The following NPTXR variants were observed in gnomAD, a reference collection of about 807,000 sequenced individuals.
NPTXR encodes the protein neuronal pentraxin receptor.
In NPTXR, 12 loss-of-function variants were observed where a neutral mutation model predicts 32.2. The observed-to-expected ratio is 0.37, with a 90% CI of 0.24 to 0.60. The LOEUF is 0.60. Ranked by LOEUF, NPTXR falls within the 20% of genes least tolerant of loss-of-function variation. The pLI is 0.66. For synonymous variants in NPTXR, 323 were observed against 315.8 expected (o/e 1.02, Z -0.24); for missense variants, 612 against 682.9 (o/e 0.90, Z 1.16).
At position 38,843,203 on chromosome 22, in the gene NPTXR, G is replaced by A. The variant is rs1259978991; in HGVS notation, c.624+32C>T. On this transcript the variant is annotated intron_variant, in intron 1 of 4. Transcript: ENST00000333039. The surrounding 1 kb of genome is among the most constrained non-coding windows in gnomAD (Gnocchi z 5.3). The stretch of plus-strand genomic sequence containing the variant: ...GGCCGGGCGGCCCCTCACACCACCC[G>A]GGCGGCTCCCCCGACGGCGCGCGGC... The A allele has an allele frequency of 5.4e-6, 7 of 1,294,560 alleles. No individual in the cohort carries two copies. The highest frequency in any genetic ancestry group is 8.5e-5 in the Admixed American group (2 of 23,604). The allele number at this position is 1,294,560 out of a possible 1,614,324, so 80.2% of individuals were successfully genotyped here.
chr22:38,824,228 G>C (rs1367497522), intron 3 of NPTXR, among the ~76,000 whole-genome samples: 1 of 150,550 alleles, frequency 6.6e-6, no homozygotes, highest in African/African-American at 2.5e-5. Flanking sequence ...CCTGACCTCA[G>C]ATGATCCACC....
Position 38,819,795 on chromosome 22 carries a change from C to A in NPTXR, c.*2814G>T, listed in dbSNP as rs370037070. ...CTGGGCCATGTCTGACTCCTCTTTC[C>A]CTGTCTGCTTGGATGTGCTCAGGGG... is the stretch of plus-strand genomic sequence containing the variant. On this transcript the variant is annotated 3_prime_UTR_variant, in exon 5 of 5. Transcript: ENST00000333039. The A allele has an allele frequency of 3.3e-5, 5 of 152,750 alleles. No homozygotes were observed. In the South Asian group the frequency reaches 8.3e-4, roughly 25 times the overall value. 9.5% of individuals were successfully genotyped at this position (152,750 alleles called of 1,614,324 possible).
chr22:38,828,223 T>G, intron 2 of NPTXR, 64 bp downstream of exon 2: 1 of 1,381,504 alleles, frequency 7.2e-7, no homozygotes, highest in Non-Finnish European at 1.0e-6. Context: ...CATGGATATA[T>G]TTTTTGAATG....
rs770206274 is a variant in NPTXR, at chr22:38,843,476, C to T, written c.383G>A (p.Ser128Asn). 81 of 1,332,654 alleles carry T rather than the reference C, an allele frequency of 6.1e-5. No individual in the cohort carries two copies. In the Middle Eastern group the frequency reaches 9.8e-4, roughly 16 times the overall value. The allele number at this position is 1,332,654 out of a possible 1,614,324, so 82.6% of individuals were successfully genotyped here. The change falls in exon 1 of 5, where the codon AGC (serine) becomes AAC (asparagine). Residue 128 changes from serine (S) to asparagine (N), a missense_variant. Physicochemically the swap from Ser to Asn is conservative, Grantham distance 46. Transcript: ENST00000333039. This position sits in a 1 kb window ranked among gnomAD's most constrained non-coding sequence, Gnocchi z 5.3. ...CGTCTGGCGCAGCTGCTCGGCCGTGCTCTGCAGCAGCAGCAGCTCTTCGCG... is the reference window on the plus strand; with the variant it reads ...CGTCTGGCGCAGCTGCTCGGCCGTGTTCTGCAGCAGCAGCAGCTCTTCGCG...
chr22:38,830,580 G>A (rs947322194), intron 1 of NPTXR, among the ~76,000 whole-genome samples: 8 of 152,248 alleles, frequency 5.3e-5, no homozygotes, highest in East Asian at 1.9e-4. Flanking sequence ...TGCATCACTC[G>A]CCACGCAGCC....
intron 1 of NPTXR, among the ~76,000 whole-genome samples, chr22:38,836,121 A>C (rs1176971069): frequency 6.6e-6 from 1 of 152,152 alleles, no homozygotes; most frequent in African/African-American, 2.4e-5. Context: ...CCGAAACGGG[A>C]ATGTTTTTAA....
intron 1 of NPTXR, among the ~76,000 whole-genome samples, chr22:38,831,320 T>C (rs1355044658): frequency 6.6e-6 from 1 of 152,078 alleles, no homozygotes; most frequent in Non-Finnish European, 1.5e-5. Context: ...GGCAGGAGGA[T>C]TGCTTAAGCC....
chr22:38,843,208 G>T lies in NPTXR; in HGVS notation c.624+27C>A. On this transcript the variant is annotated intron_variant, in intron 1 of 4. Coordinates refer to ENST00000333039, the MANE Select transcript of NPTXR (RefSeq NM_014293.4). This position sits in a 1 kb window ranked among gnomAD's most constrained non-coding sequence, Gnocchi z 5.3. ...GGCGGCCCCTCACACCACCCGGGCGGCTCCCCCGACGGCGCGCGGCGCTCA... is the reference window on the plus strand; with the variant it reads ...GGCGGCCCCTCACACCACCCGGGCGTCTCCCCCGACGGCGCGCGGCGCTCA... 2 of 1,298,156 alleles carry T rather than the reference G, an allele frequency of 1.5e-6. No individual in the cohort carries two copies. Among genetic ancestry groups the T allele is most frequent in the Non-Finnish European group, 1.9e-6 (2 of 1,028,304 alleles). 80.4% of individuals were successfully genotyped at this position (1,298,156 alleles called of 1,614,324 possible).
At position 38,844,008 on chromosome 22, in the gene NPTXR, G is replaced by A. The variant is rs968909631; in HGVS notation, c.-150C>T. 70 of 249,186 alleles carry A rather than the reference G, an allele frequency of 2.8e-4. No homozygotes were observed. The highest frequency in any genetic ancestry group is 4.1e-4 in the Non-Finnish European group (65 of 158,428). The allele number at this position is 249,186 out of a possible 1,614,324, so 15.4% of individuals were successfully genotyped here. On this transcript the variant is annotated 5_prime_UTR_variant, in exon 1 of 5. Transcript: ENST00000333039. The surrounding 1 kb of genome is among the most constrained non-coding windows in gnomAD (Gnocchi z 4.3). Reference sequence around the variant, plus strand: ...GAGCCGGAGCTGGAGCTGTCGCCGCGGCCGCTGCTGCCGCCGCTCTGAGCC... The same window carrying A: ...GAGCCGGAGCTGGAGCTGTCGCCGCAGCCGCTGCTGCCGCCGCTCTGAGCC...
chr22:38,831,870 G>A (rs28492938), intron 1 of NPTXR, among the ~76,000 whole-genome samples: 12,644 of 152,142 alleles, frequency 0.083, 708 homozygotes, highest in South Asian at 0.11. Flanking sequence ...CGCTGAGGCT[G>A]GCACTCTTCG....
In NPTXR at chr22:38,834,178, T is replaced by G. The variant is rs2146196885; in HGVS notation, c.625-5666A>C. ...CAGCTCCTAGCCTTCTCCCTAGTCCTGGCTACTCTCCGCTGGACTGTGCCA... is the reference window on the plus strand; with the variant it reads ...CAGCTCCTAGCCTTCTCCCTAGTCCGGGCTACTCTCCGCTGGACTGTGCCA... On this transcript the variant is annotated intron_variant, in intron 1 of 4. Transcript: ENST00000333039. This position sits in a 1 kb window ranked among gnomAD's most constrained non-coding sequence, Gnocchi z 4.4. 6.6e-6 allele frequency among the ~76,000 whole-genome samples: 1 copy of G among 152,262 alleles called. No homozygotes were observed. Among genetic ancestry groups the G allele is most frequent in the South Asian group, 2.1e-4 (1 of 4,822 alleles).
rs77485926 is a variant in NPTXR, at chr22:38,825,502, C to T, written c.1098+998G>A. ...CTCACAGTTATTGATGTCTGCTAAA[C>T]GCTAGGATCTGCTCAAAGCCCTCTA... On this transcript the variant is annotated intron_variant, in intron 3 of 4. Transcript: ENST00000333039. Among the ~76,000 whole-genome samples the T allele has an allele frequency of 4.6e-3, 694 of 152,274 alleles. 6 individuals carry two copies. The highest frequency in any genetic ancestry group is 0.016 in the African/African-American group (662 of 41,536).
chr22:38,843,418 G>A lies in NPTXR; in HGVS notation c.441C>T (p.Asp147=), dbSNP rs2093134730. ...CGGTGAGCTCACGGATGGTGTCCTG[G>A]TCGGCGCGGATGCGCGCCTCCTGCT... Residue 147 remains aspartate, a synonymous_variant, in exon 1 of 5, where the codon GAC becomes GAT. Coordinates refer to ENST00000333039, the MANE Select transcript of NPTXR (RefSeq NM_014293.4). This position sits in a 1 kb window ranked among gnomAD's most constrained non-coding sequence, Gnocchi z 5.3. The A allele has an allele frequency of 7.1e-6, 10 of 1,399,688 alleles. No homozygotes were observed. The East Asian group carries it at 3.0e-4, about 41-fold the overall frequency. The allele number at this position is 1,399,688 out of a possible 1,614,324, so 86.7% of individuals were successfully genotyped here.
At chr22:38,836,995 T>TA (rs1439639662) in intron 1 of NPTXR, among the ~76,000 whole-genome samples, 2 of 152,082 alleles carry the variant, frequency 1.3e-5, no homozygotes, top group Non-Finnish European at 2.9e-5. Context: ...TTTGTATTTT[T>TA]AGTAGAGATG....
chr22:38,842,769 G>C (rs1259958969), intron 1 of NPTXR, among the ~76,000 whole-genome samples: 1 of 152,162 alleles, frequency 6.6e-6, no homozygotes, highest in East Asian at 1.9e-4. Flanking sequence ...TGTAATGAGG[G>C]GAGGACCCCA....
intron 4 of NPTXR, 94 bp from the exon 5 acceptor site, chr22:38,822,927 C>T: frequency 2.1e-6 from 3 of 1,427,496 alleles, no homozygotes; most frequent in Non-Finnish European, 2.9e-6. Context: ...GTCCCCGAGG[C>T]AGCCCCACCT....
At position 38,843,300 on chromosome 22, in the gene NPTXR, G is replaced by A. The variant is rs1260768037; in HGVS notation, c.559C>T (p.Pro187Ser). ...TCCTCCAGCTCCAGAATGAGCGCAG[G>A]CGAGTCCCAGGGCCCGTCGGCCATG... The change falls in exon 1 of 5, where the codon CCT (proline) becomes TCT (serine). Residue 187 changes from proline to serine, a missense_variant. Physicochemically the swap from Pro to Ser is moderately conservative, Grantham distance 74 (BLOSUM62 -1). Transcript: ENST00000333039. This position sits in a 1 kb window ranked among gnomAD's most constrained non-coding sequence, Gnocchi z 5.3. 8 of 1,437,822 alleles carry A rather than the reference G, an allele frequency of 5.6e-6. No homozygotes were observed. The highest frequency in any genetic ancestry group is 7.3e-6 in the Non-Finnish European group (8 of 1,102,618). 89.1% of individuals were successfully genotyped at this position (1,437,822 alleles called of 1,614,324 possible). A position where few individuals can be genotyped will look rare whatever the true frequency, so the allele number is the denominator to read the frequency against.
At chr22:38,833,653 C>G (rs1450164698) in intron 1 of NPTXR, among the ~76,000 whole-genome samples, 2 of 130,848 alleles carry the variant, frequency 1.5e-5, no homozygotes, top group Non-Finnish European at 3.3e-5. Flanking sequence ...TCGTGACTAA[C>G]AATTTTTTTT....
chr22:38,843,772 C>T lies in NPTXR; in HGVS notation c.87G>A (p.Ala29=), dbSNP rs1355432056. The change falls in exon 1 of 5, where the codon GCG becomes GCA. Residue 29 remains alanine, a synonymous_variant. Transcript: ENST00000333039. The surrounding 1 kb of genome is among the most constrained non-coding windows in gnomAD (Gnocchi z 5.3). ...CGGGCAGCGCCCGCGCCGGGCTGGC[C>T]GCCAGGGGCACGCTGGCGATGATGC... The T allele has an allele frequency of 4.0e-6, 4 of 1,004,304 alleles. No individual in the cohort carries two copies. The highest frequency in any genetic ancestry group is 1.8e-5 in the African/African-American group (1 of 57,076). 62.2% of individuals were successfully genotyped at this position (1,004,304 alleles called of 1,614,324 possible).
Sources: gnomAD v4.1 joint callset for allele counts (sites outside exome capture counted in the v4.1 genomes callset) on GRCh38, gnomAD v4.1.1 for gene constraint, Gnocchi (gnomAD v3.1) non-coding constraint, MANE v1.5 for transcripts, NCBI Gene and HGNC (gene_info 2026-07-23, HGNC 2026-07-21) for gene names.